The following SYT14 variants were observed in gnomAD, a reference collection of about 807,000 sequenced individuals.
SYT14 encodes synaptotagmin 14, also known as synaptotagmin-14.
Under a neutral mutation model 74.2 loss-of-function variants are expected in SYT14, and 32 were observed. The observed-to-expected ratio is 0.43, with a 90% CI of 0.33 to 0.58. SYT14 has a LOEUF of 0.58. SYT14 is among the 20% of genes least tolerant of loss of function. The pLI, the probability that SYT14 is intolerant of heterozygous loss-of-function variation, is 0.05. For missense variants in SYT14, 791 were observed against 981.8 expected (o/e 0.81, Z 2.60); for synonymous variants, 298 against 337.7 (o/e 0.88, Z 1.29).
intron 1 of SYT14, among the ~76,000 whole-genome samples, chr1:209,944,450 T>A (rs1026423949): frequency 6.6e-6 from 1 of 152,222 alleles, no homozygotes; most frequent in Non-Finnish European, 1.5e-5. Flanking sequence ...GGAACTTATG[T>A]GGATCAAATG....
At chr1:210,160,573 G>A (rs2083352783) in intron 9 of SYT14, among the ~76,000 whole-genome samples, 156 bp from the exon 9 acceptor site, 2 of 152,136 alleles carry the variant, frequency 1.3e-5, no homozygotes, top group South Asian at 2.1e-4. Context: ...CATATTATAA[G>A]CATCTACATC....
At chr1:210,101,330 T>G (rs1255982613) in intron 7 of SYT14, among the ~76,000 whole-genome samples, 1 of 152,134 alleles carries the variant, frequency 6.6e-6, no homozygotes, top group Non-Finnish European at 1.5e-5. Context: ...TAGAATAGGT[T>G]TATATTTTAA....
chr1:210,054,179 G>A (rs1220632858), intron 5 of SYT14, among the ~76,000 whole-genome samples: 2 of 152,042 alleles, frequency 1.3e-5, no homozygotes, highest in Non-Finnish European at 2.9e-5. Context: ...AACTTTCATT[G>A]TTGATGCCAG....
At chr1:210,163,059 T>C (rs1159373524) in exon 10 of SYT14, 1 of 453,204 alleles carries the variant, frequency 2.2e-6, no homozygotes, top group South Asian at 1.6e-5. Flanking sequence ...GAAATTGGAC[T>C]TAGGCATTTG....
intron 2 of SYT14, among the ~76,000 whole-genome samples, chr1:210,002,282 C>T (rs918766058): frequency 6.6e-6 from 1 of 151,922 alleles, no homozygotes; most frequent in African/African-American, 2.4e-5. Context: ...GAGTATTATC[C>T]CTTTTCTGCT....
intron 4 of SYT14, among the ~76,000 whole-genome samples, chr1:210,019,417 T>C (rs1040986916): frequency 6.6e-6 from 1 of 152,196 alleles, no homozygotes; most frequent in East Asian, 1.9e-4. Context: ...TTGTTCCATA[T>C]AGTAACCGCT....
At chr1:210,049,079 T>C (rs2080940002) in intron 5 of SYT14, among the ~76,000 whole-genome samples, 2 of 152,220 alleles carry the variant, frequency 1.3e-5, no homozygotes, top group East Asian at 3.9e-4. Context: ...CTCTGCAGGG[T>C]ACAGCCTCCT....
intron 5 of SYT14, among the ~76,000 whole-genome samples, chr1:210,023,070 C>CT (rs894338323): frequency 2.6e-5 from 4 of 152,122 alleles, no homozygotes; most frequent in Admixed American, 6.5e-5. Context: ...CTATCCTGTA[C>CT]TTTTTTACAC....
At chr1:209,973,709 C>A (rs546019628) in intron 2 of SYT14, among the ~76,000 whole-genome samples, 1 of 152,148 alleles carries the variant, frequency 6.6e-6, no homozygotes. Context: ...GATTTATAAT[C>A]CTTTGGGTAT....
chr1:209,978,583 T>C (rs1184028568), intron 2 of SYT14, among the ~76,000 whole-genome samples: 1 of 152,026 alleles, frequency 6.6e-6, no homozygotes, highest in Non-Finnish European at 1.5e-5. Flanking sequence ...CTCAGAGGAG[T>C]ACCTGGCCGT....
At chr1:210,001,051 C>T (rs531552999) in intron 2 of SYT14, among the ~76,000 whole-genome samples, 101 of 152,168 alleles carry the variant, frequency 6.6e-4, no homozygotes, top group East Asian at 2.1e-3. Context: ...CTCATGGAGG[C>T]TAGAATTGAA....
intron 2 of SYT14, among the ~76,000 whole-genome samples, chr1:209,985,314 C>T (rs2079552215): frequency 6.6e-6 from 1 of 152,224 alleles, no homozygotes; most frequent in Non-Finnish European, 1.5e-5. Context: ...GGGCTGCAGA[C>T]CCCATGTTAG....
chr1:210,102,270 A>C (rs1057295526), intron 7 of SYT14, among the ~76,000 whole-genome samples: 1 of 152,138 alleles, frequency 6.6e-6, no homozygotes, highest in Admixed American at 6.6e-5. Flanking sequence ...ACCCTCTGAT[A>C]GGCCCCATTG....
intron 2 of SYT14, among the ~76,000 whole-genome samples, chr1:209,964,576 A>G (rs1199475566): frequency 6.6e-6 from 1 of 152,190 alleles, no homozygotes; most frequent in Non-Finnish European, 1.5e-5. Context: ...TTTGGAATAA[A>G]GTATCCTCTC....
chr1:210,002,205 G>A (rs1487733346), intron 2 of SYT14, among the ~76,000 whole-genome samples: 1 of 152,088 alleles, frequency 6.6e-6, no homozygotes, highest in African/African-American at 2.4e-5. Flanking sequence ...AAGCACCTAT[G>A]TAACCAGAAC....
At chr1:210,021,348 CAA>C (rs1333863535) in intron 5 of SYT14, 94 bp downstream of exon 4, 16 of 1,094,978 alleles carry the variant, frequency 1.5e-5, no homozygotes, top group South Asian at 7.9e-5. Context: ...GCAGAATAAA[CAA>C]GAGAGCACAT....
intron 7 of SYT14, among the ~76,000 whole-genome samples, chr1:210,132,853 A>G (rs1221528887): frequency 1.3e-5 from 2 of 152,090 alleles, no homozygotes; most frequent in African/African-American, 4.8e-5. Context: ...AAATCCGACC[A>G]TTGTGAATCT....
At chr1:209,983,619 GT>G (rs1016208699) in intron 2 of SYT14, among the ~76,000 whole-genome samples, 16 of 152,022 alleles carry the variant, frequency 1.1e-4, no homozygotes, top group African/African-American at 3.9e-4. Flanking sequence ...GTGTGTGTGT[GT>G]TTTTTCTGTC....
In SYT14 at chr1:210,000,613, C is replaced by CTTTTTTTTTTTTTTTTTTTTT. The variant is rs71146203; in HGVS notation, c.-485-13001_-485-13000insTTTTTTTTTTTTTTTTTTTTT. ...TTTCATTAGGGCTGTTTTATGCCTT[C>CTTTTTTTTTTTTTTTTTTTTT]TTTTTTTTTTTTTTTTTTTGAGATA... On this transcript the variant is annotated intron_variant, in intron 2 of 9. Coordinates refer to ENST00000637265, the Ensembl canonical transcript of SYT14. 3.6e-4 allele frequency among the ~76,000 whole-genome samples: 38 copies of CTTTTTTTTTTTTTTTTTTTTT among 105,418 alleles called. 2 individuals are homozygous for CTTTTTTTTTTTTTTTTTTTTT. The highest frequency in any genetic ancestry group is 3.2e-3 in the East Asian group (11 of 3,426). The allele number at this position is 105,418 out of a possible 152,430, so 69.2% of individuals were successfully genotyped here.
Sources: allele counts gnomAD v4.1 joint callset (sites outside exome capture counted in the v4.1 genomes callset), GRCh38; gene constraint gnomAD v4.1.1; transcripts MANE v1.5; gene names NCBI Gene and HGNC (gene_info 2026-07-23, HGNC 2026-07-21).